The following ERP27 variants were observed in gnomAD, a reference collection of about 807,000 sequenced individuals.
ERP27 encodes the protein endoplasmic reticulum resident protein 27.
Under a neutral mutation model 27.7 loss-of-function variants are expected in ERP27, and 23 were observed. The observed-to-expected ratio is 0.83, with a 90% confidence interval of 0.60 to 1.18. The LOEUF is 1.18. Ranked by LOEUF, ERP27 falls within the 50% of genes most tolerant of loss-of-function variation. The pLI, the probability that ERP27 is intolerant of heterozygous loss-of-function variation, is 0.00. For missense variants in ERP27, 363 were observed against 327.9 expected, an observed-to-expected ratio of 1.11 and a Z score of -0.83; for synonymous variants, 159 against 118.3, an observed-to-expected ratio of 1.34 and a Z score of -2.23.
chr12:14,929,124 G>A (rs547713828), intron 3 of ERP27: 7 of 1,470,138 alleles, frequency 4.8e-6, no homozygotes, highest in African/African-American at 1.4e-5. Context: ...ACATCGCTGT[G>A]CATGGATCAA....
At chr12:14,933,016 T>C (rs4764135) in intron 3 of ERP27, among the ~76,000 whole-genome samples, 55,072 of 152,166 alleles carry the variant, frequency 0.36, 10,165 homozygotes, top group Middle Eastern at 0.42. Context: ...ATTCTAAATG[T>C]TCCGCAAGCA....
At chr12:14,937,626 A>G (rs1863791051) in intron 2 of ERP27, among the ~76,000 whole-genome samples, 1 of 152,164 alleles carries the variant, frequency 6.6e-6, no homozygotes, top group African/African-American at 2.4e-5. Flanking sequence ...GAGAGTATAG[A>G]CCAAATGTGT....
At chr12:14,915,849 C>G (rs1245023856) in intron 5 of ERP27, 163 bp from the exon 6 acceptor site, 23 of 670,392 alleles carry the variant, frequency 3.4e-5, no homozygotes, top group Non-Finnish European at 4.7e-5. Context: ...TAACAAAGAA[C>G]AAAATCATGT....
chr12:14,925,785 T>TG (rs1370427232), intron 3 of ERP27, among the ~76,000 whole-genome samples: 3 of 152,146 alleles, frequency 2.0e-5, no homozygotes, highest in Admixed American at 2.0e-4. Flanking sequence ...AAAAGAGTGT[T>TG]GGGGCCTGGC....
intron 3 of ERP27, among the ~76,000 whole-genome samples, chr12:14,928,404 G>A (rs1863642408): frequency 2.0e-5 from 3 of 152,096 alleles, no homozygotes; most frequent in Admixed American, 2.0e-4. Flanking sequence ...CTCCCATTGG[G>A]GTAACTAAAA....
intron 4 of ERP27, 92 bp from the exon 5 acceptor site, chr12:14,917,395 TG>T (rs1237236343): frequency 6.5e-7 from 1 of 1,549,262 alleles, no homozygotes; most frequent in African/African-American, 1.4e-5. Context: ...GAAACTTAAA[TG>T]AGAGCTGGCC....
chr12:14,917,422 G>C (rs1565448595), intron 4 of ERP27, 119 bp from the exon 5 acceptor site: 3 of 1,351,320 alleles, frequency 2.2e-6, no homozygotes, highest in Non-Finnish European at 3.1e-6. Flanking sequence ...TAACACAAAT[G>C]GAACTAGCTT....
At chr12:14,928,230 C>T (rs948176355) in intron 3 of ERP27, among the ~76,000 whole-genome samples, 1 of 152,184 alleles carries the variant, frequency 6.6e-6, no homozygotes, top group Non-Finnish European at 1.5e-5. Flanking sequence ...AAGGTACTTT[C>T]TCCTAGTCTA....
At chr12:14,923,769 T>C (rs746040094) in intron 3 of ERP27, among the ~76,000 whole-genome samples, 8 of 152,236 alleles carry the variant, frequency 5.3e-5, no homozygotes, top group African/African-American at 1.9e-4. Context: ...TATAGTGTGA[T>C]GTTTCAATAC....
At chr12:14,928,940 C>G in intron 3 of ERP27, 54 of 1,535,090 alleles carry the variant, frequency 3.5e-5, no homozygotes, top group Non-Finnish European at 4.7e-5. Flanking sequence ...AATGCTGCTA[C>G]CGACCTGTAT....
At chr12:14,916,656 T>C (rs1171684011) in intron 5 of ERP27, among the ~76,000 whole-genome samples, 1 of 152,128 alleles carries the variant, frequency 6.6e-6, no homozygotes, top group Non-Finnish European at 1.5e-5. Flanking sequence ...TACCAGACAG[T>C]TCTCATCATT....
intron 3 of ERP27, among the ~76,000 whole-genome samples, chr12:14,924,224 T>C (rs1004626706): frequency 5.3e-5 from 8 of 152,214 alleles, no homozygotes; most frequent in African/African-American, 1.9e-4. Context: ...TTTTTATGGC[T>C]GAATAGTGTC....
intron 3 of ERP27, among the ~76,000 whole-genome samples, chr12:14,932,074 G>A (rs924436321): frequency 1.3e-5 from 2 of 152,166 alleles, no homozygotes; most frequent in African/African-American, 4.8e-5. Flanking sequence ...ACATGCTTTT[G>A]GAGGTGAGTT....
At chr12:14,928,128 A>G (rs975151353) in intron 3 of ERP27, among the ~76,000 whole-genome samples, 1 of 152,160 alleles carries the variant, frequency 6.6e-6, no homozygotes, top group Non-Finnish European at 1.5e-5. Context: ...CTGCTCTTGG[A>G]CATCTCCTTA....
At chr12:14,937,389 G>C (rs1863788074) in intron 2 of ERP27, among the ~76,000 whole-genome samples, 1 of 152,198 alleles carries the variant, frequency 6.6e-6, no homozygotes. Flanking sequence ...TAGTCAAGAA[G>C]CTAATCTGGA....
chr12:14,934,770 A>C, intron 3 of ERP27, 86 bp downstream of exon 3: 1 of 1,514,452 alleles, frequency 6.6e-7, no homozygotes, highest in East Asian at 2.3e-5. Context: ...TGTAAAAGAC[A>C]TAGAGTCCTT....
At chr12:14,936,124 T>C (rs1863769864) in intron 2 of ERP27, among the ~76,000 whole-genome samples, 1 of 151,988 alleles carries the variant, frequency 6.6e-6, no homozygotes, top group Non-Finnish European at 1.5e-5. Context: ...GTTTTGGCTT[T>C]GGTTACATTT....
intron 2 of ERP27, among the ~76,000 whole-genome samples, chr12:14,936,173 G>A (rs528539891): frequency 6.6e-6 from 1 of 151,740 alleles, no homozygotes; most frequent in Non-Finnish European, 1.5e-5. Context: ...TGAAATAGAC[G>A]CCATCAAAAG....
chr12:14,933,061 T>G (rs1252120567), intron 3 of ERP27, among the ~76,000 whole-genome samples: 2 of 152,194 alleles, frequency 1.3e-5, no homozygotes, highest in Non-Finnish European at 2.9e-5. Context: ...ATTGTACTTC[T>G]TAAGAAGAAC....
Sources: gnomAD v4.1 joint callset for allele counts (sites outside exome capture counted in the v4.1 genomes callset) on GRCh38, gnomAD v4.1.1 for gene constraint, MANE v1.5 for transcripts, NCBI Gene and HGNC (gene_info 2026-07-23, HGNC 2026-07-21) for gene names.